Variants in DDX60 observed in about 807,000 individuals in gnomAD.
DDX60 encodes the protein DExD/H-box helicase 60, also known as probable ATP-dependent RNA helicase DDX60.
In DDX60, 165 loss-of-function variants were observed where a neutral mutation model predicts 212.8. The observed-to-expected ratio is 0.78, with a 90% CI of 0.68 to 0.88. The LOEUF is 0.88. DDX60 is among the 40% of genes least tolerant of loss of function. DDX60 has a pLI of 0.00. For missense variants in DDX60, 1,905 were observed against 2,003.9 expected, an observed-to-expected ratio of 0.95 and a Z score of 0.94; for synonymous variants, 703 against 685.3, an observed-to-expected ratio of 1.03 and a Z score of -0.40.
chr4:168,228,227 AAATACAATATTATATTTAT>A (rs1560812605), intron 33 of DDX60, among the ~76,000 whole-genome samples: 7 of 152,114 alleles, frequency 4.6e-5, no homozygotes, highest in East Asian at 3.9e-4. Context: ...GGTACAGTAA[AAATACAATATTATATTTAT>A]GCAACCATCA....
At chr4:168,255,025 G>T (rs1024543736) in intron 26 of DDX60, among the ~76,000 whole-genome samples, 1 of 152,180 alleles carries the variant, frequency 6.6e-6, no homozygotes, top group South Asian at 2.1e-4. Context: ...ATGTGTGCAA[G>T]ATCATTTGTT....
At chr4:168,268,678 G>A (rs1734955847) in intron 20 of DDX60, among the ~76,000 whole-genome samples, 176 bp downstream of exon 20, 2 of 151,896 alleles carry the variant, frequency 1.3e-5, no homozygotes, top group African/African-American at 4.8e-5. Context: ...TATACAGGGT[G>A]GCTTTCCTCA....
intron 22 of DDX60, among the ~76,000 whole-genome samples, chr4:168,263,995 A>G (rs537830757): frequency 6.6e-6 from 1 of 152,294 alleles, no homozygotes; most frequent in East Asian, 1.9e-4. Flanking sequence ...TAATTTGACA[A>G]TAGGGCACTT....
intron 18 of DDX60, 109 bp downstream of exon 18, chr4:168,273,170 A>T: frequency 1.7e-6 from 2 of 1,153,722 alleles, no homozygotes; most frequent in Non-Finnish European, 2.4e-6. Context: ...TCATAAATTC[A>T]AATAAATTAT....
Position 168,246,586 on chromosome 4 carries a change from GTCTTGACCT to G in DDX60, c.3987_3995del (p.Arg1329_Asp1332delinsSer). 6.2e-7 allele frequency: 1 copy of G among 1,614,078 alleles called. No homozygotes were observed. Among genetic ancestry groups the G allele is most frequent in the Non-Finnish European group, 8.5e-7 (1 of 1,179,984 alleles). ...CAAAGAAATATACATCTCCCATCAG[GTCTTGACCT>G]CTTCTTCCAGCACGGCCAGACATCT... On this transcript the variant is annotated inframe_deletion, in exon 30 of 38. Coordinates refer to ENST00000393743, the MANE Select transcript of DDX60 (RefSeq NM_017631.6).
intron 8 of DDX60, among the ~76,000 whole-genome samples, chr4:168,290,878 T>C (rs1736065167): frequency 6.6e-6 from 1 of 152,214 alleles, no homozygotes; most frequent in African/African-American, 2.4e-5. Context: ...TACTAAATGT[T>C]TGTGGACTGG....
At chr4:168,242,778 CT>C (rs1733894075) in intron 30 of DDX60, among the ~76,000 whole-genome samples, 1 of 152,028 alleles carries the variant, frequency 6.6e-6, no homozygotes, top group African/African-American at 2.4e-5. Flanking sequence ...CTCTGGGAGA[CT>C]GTTAGAAAGG....
intron 17 of DDX60, 113 bp downstream of exon 17, chr4:168,273,821 G>C: frequency 7.8e-7 from 1 of 1,278,162 alleles, no homozygotes; most frequent in Admixed American, 2.4e-5. Context: ...ACTGAAACAA[G>C]AAAATGCAGG....
chr4:168,281,073 G>A (rs1267113271), intron 13 of DDX60, among the ~76,000 whole-genome samples: 1 of 152,226 alleles, frequency 6.6e-6, no homozygotes, highest in African/African-American at 2.4e-5. Context: ...CTGGGAGGCA[G>A]AGGTTGCAGT....
Position 168,280,343 on chromosome 4 carries a change from C to T in DDX60, c.1970G>A (p.Ser657Asn). 6.2e-7 allele frequency: 1 copy of T among 1,610,720 alleles called. No homozygotes were observed. Residue 657 changes from serine to asparagine, a missense_variant, in exon 14 of 38, where the codon AGT becomes AAT. Transcript: ENST00000393743. The part of the protein sequence containing the change: ...CLKAWKEHCR[S>N]EEGKTTKDLS... Reference sequence around the variant, plus strand: ...AAAACAGAATTACATACCTTCTTCACTTCGGCAATGTTCTTTCCAGGCTTT... The same window carrying T: ...AAAACAGAATTACATACCTTCTTCATTTCGGCAATGTTCTTTCCAGGCTTT...
intron 37 of DDX60, among the ~76,000 whole-genome samples, chr4:168,217,475 G>A (rs757825662): frequency 1.3e-5 from 2 of 152,108 alleles, no homozygotes; most frequent in Non-Finnish European, 2.9e-5. Flanking sequence ...AAAAGATAAG[G>A]ACAACAAGAT....
chr4:168,273,348 A>G lies in DDX60; in HGVS notation c.2505T>C (p.Asn835=), dbSNP rs1308054819. The part of the protein sequence containing the change: ...AATVQNRFTK[N]LPSGEVLCGV... ...CACAGAGAACTTCACCACTTGGCAG[A>G]TTTTTCGTAAAACGATTCTGAACAG... is the stretch of plus-strand genomic sequence containing the variant. The change falls in exon 18 of 38, where the codon AAT becomes AAC. Residue 835 remains asparagine, a synonymous_variant. Coordinates refer to ENST00000393743, the MANE Select transcript of DDX60 (RefSeq NM_017631.6). The G allele has an allele frequency of 2.5e-6, 4 of 1,613,864 alleles. No homozygotes were observed. Among genetic ancestry groups the G allele is most frequent in the Admixed American group, 3.3e-5 (2 of 60,004 alleles).
chr4:168,287,714 T>C (rs999210447), intron 9 of DDX60, among the ~76,000 whole-genome samples: 2 of 152,090 alleles, frequency 1.3e-5, no homozygotes, highest in Non-Finnish European at 2.9e-5. Context: ...TCGGTTTTAC[T>C]ATTAGGAAAC....
intron 30 of DDX60, 29 bp from the exon 31 acceptor site, chr4:168,237,824 A>G (rs1375669663): frequency 6.6e-7 from 1 of 1,520,248 alleles, no homozygotes; most frequent in Non-Finnish European, 9.0e-7. Flanking sequence ...TTTTAGACAC[A>G]CAATGTTAAG....
intron 22 of DDX60, among the ~76,000 whole-genome samples, chr4:168,263,874 G>T (rs1334800818): frequency 6.6e-6 from 1 of 151,888 alleles, no homozygotes; most frequent in Non-Finnish European, 1.5e-5. Context: ...CTTCAAAAAA[G>T]AAAAAAGAGA....
chr4:168,276,734 CTTA>C (rs1160070593), intron 14 of DDX60, among the ~76,000 whole-genome samples: 1 of 152,126 alleles, frequency 6.6e-6, no homozygotes, highest in Non-Finnish European at 1.5e-5. Flanking sequence ...TTATTTCATA[CTTA>C]TTATGTCAGG....
the DDX60 span, among the ~76,000 whole-genome samples, chr4:168,324,467 A>C: frequency 6.6e-6 from 1 of 152,198 alleles, no homozygotes; most frequent in African/African-American, 2.4e-5. Flanking sequence ...TGCCCATTTC[A>C]GTTTGGACAG....
chr4:168,222,278 C>T (rs1355558872), intron 35 of DDX60, among the ~76,000 whole-genome samples: 1 of 152,056 alleles, frequency 6.6e-6, no homozygotes, highest in Non-Finnish European at 1.5e-5. Context: ...ACAACTCTAA[C>T]AATCTTGGGA....
At chr4:168,249,895 G>A (rs1369566945) in intron 28 of DDX60, among the ~76,000 whole-genome samples, 2 of 152,022 alleles carry the variant, frequency 1.3e-5, no homozygotes, top group African/African-American at 4.8e-5. Flanking sequence ...ACCTAGAGTA[G>A]CAGAAACAAT....
Sources: gnomAD v4.1 joint callset for allele counts (sites outside exome capture counted in the v4.1 genomes callset) on GRCh38, gnomAD v4.1.1 for gene constraint, MANE v1.5 for transcripts, NCBI Gene and HGNC (gene_info 2026-07-23, HGNC 2026-07-21) for gene names.